KCNE1: variants seen among roughly 807,000 people sequenced by gnomAD.
KCNE1 encodes the protein potassium voltage-gated channel subfamily E member 1.
A neutral mutation model predicts 2.9 loss-of-function variants in KCNE1; 1 was observed. The observed-to-expected ratio is 0.34, with a 90% confidence interval of 0.12 to 1.62. KCNE1 has a LOEUF of 1.62. Ranked by LOEUF, KCNE1 falls within the 40% of genes most tolerant of loss-of-function variation. The pLI, the probability that KCNE1 is intolerant of heterozygous loss-of-function variation, is 0.36. For synonymous variants in KCNE1, 23 were observed against 65.4 expected, an observed-to-expected ratio of 0.35 and a Z score of 3.13; for missense variants, 45 against 150.5, an observed-to-expected ratio of 0.30 and a Z score of 3.67.
intron 2 of KCNE1, among the ~76,000 whole-genome samples, chr21:34,496,661 A>G (rs1356997808): frequency 3.3e-5 from 5 of 152,176 alleles, no homozygotes; most frequent in Admixed American, 2.6e-4. Flanking sequence ...TGTTCTGTAA[A>G]TATCTGTTAA....
chr21:34,503,900 C>T (rs1220919756), intron 2 of KCNE1, among the ~76,000 whole-genome samples: 2 of 152,178 alleles, frequency 1.3e-5, no homozygotes, highest in Non-Finnish European at 2.9e-5. Context: ...TTTTTGGAGG[C>T]GCACCTCACC....
At chr21:34,500,520 A>G (rs1048752456) in intron 2 of KCNE1, among the ~76,000 whole-genome samples, 2 of 152,224 alleles carry the variant, frequency 1.3e-5, no homozygotes, top group East Asian at 1.9e-4. Context: ...TGCATAATGT[A>G]AAACACTTAC....
rs79318383 is a variant in KCNE1, at chr21:34,452,014, C to G, written c.-50-2330G>C. On this transcript the variant is annotated intron_variant, in intron 3 of 3. Transcript: ENST00000399286. ...GCAATCTCATCATGGCAGTTCCCAT[C>G]TTGAAGGCCTTCCTTGGCTCCTCCC... Among the ~76,000 whole-genome samples the G allele has an allele frequency of 3.3e-4, 18 of 54,602 alleles. 7 individuals are homozygous for G. Among genetic ancestry groups the G allele is most frequent in the Non-Finnish European group, 6.1e-4 (18 of 29,470 alleles). 35.8% of individuals were successfully genotyped at this position (54,602 alleles called of 152,430 possible). A position where few individuals can be genotyped will look rare whatever the true frequency, so the allele number is the denominator to read the frequency against.
intron 2 of KCNE1, among the ~76,000 whole-genome samples, chr21:34,506,232 G>A (rs1983479484): frequency 6.6e-6 from 1 of 152,218 alleles, no homozygotes; most frequent in South Asian, 2.1e-4. Context: ...ACGGGGACAA[G>A]CTTTTGGAAA....
chr21:34,499,197 C>T (rs897224921), intron 2 of KCNE1, among the ~76,000 whole-genome samples: 4 of 152,156 alleles, frequency 2.6e-5, no homozygotes, highest in Non-Finnish European at 5.9e-5. Context: ...AGGCCTCACC[C>T]AGCTCCCACA....
At chr21:34,511,820 G>A (rs1983848831) in intron 1 of KCNE1, among the ~76,000 whole-genome samples, 1 of 152,214 alleles carries the variant, frequency 6.6e-6, no homozygotes, top group African/African-American at 2.4e-5. Flanking sequence ...TAGGAGGTGG[G>A]CAACCCTTTC....
Position 34,449,580 on chromosome 21 carries a change from C to G in KCNE1, c.55G>C (p.Glu19Gln). 1 of 1,015,226 alleles carries G rather than the reference C, an allele frequency of 9.9e-7. No homozygotes were observed. The highest frequency in any genetic ancestry group is 1.6e-5 in the South Asian group (1 of 64,494). The allele number at this position is 1,015,226 out of a possible 1,614,324, so 62.9% of individuals were successfully genotyped here. Residue 19 changes from glutamate (E) to glutamine (Q), a missense_variant, in exon 4 of 4, where the codon GAG (glutamate) becomes CAG (glutamine). Physicochemically the swap from Glu to Gln is conservative, Grantham distance 29. Transcript: ENST00000399286. ...VTPFLTKLWQ[E>Q]TVQQGGNMSG... ...ATGTTGCCACCCTGCTGAACTGTCT[C>G]CTGCCACAGCTTGGTCAGAAAGGGC...
At chr21:34,503,496 A>G (rs536906271) in intron 2 of KCNE1, among the ~76,000 whole-genome samples, 2 of 152,186 alleles carry the variant, frequency 1.3e-5, no homozygotes, top group Non-Finnish European at 2.9e-5. Flanking sequence ...GCCATTGGTG[A>G]TCAGCTTAAC....
chr21:34,498,595 G>A (rs963838726), intron 2 of KCNE1, among the ~76,000 whole-genome samples: 3 of 152,240 alleles, frequency 2.0e-5, no homozygotes, highest in Non-Finnish European at 2.9e-5. Flanking sequence ...ACCTGCTCTC[G>A]TGGAGGTGGC....
chr21:34,504,756 T>C (rs1024692769), intron 2 of KCNE1, among the ~76,000 whole-genome samples: 3 of 152,208 alleles, frequency 2.0e-5, no homozygotes, highest in African/African-American at 7.2e-5. Flanking sequence ...ATACCATGGA[T>C]GAACCTCAAG....
intron 2 of KCNE1, among the ~76,000 whole-genome samples, chr21:34,496,475 G>T (rs543391497): frequency 2.0e-5 from 3 of 152,290 alleles, no homozygotes; most frequent in South Asian, 2.1e-4. Context: ...AGTTTTGAGG[G>T]TTCCTTTTGG....
At chr21:34,507,567 C>T (rs993625636) in intron 2 of KCNE1, among the ~76,000 whole-genome samples, 2 of 152,196 alleles carry the variant, frequency 1.3e-5, no homozygotes, top group African/African-American at 4.8e-5. Context: ...CCTCAAATAT[C>T]TTTCCTGGGG....
At chr21:34,508,819 T>G (rs79761910) in intron 2 of KCNE1, among the ~76,000 whole-genome samples, 11,486 of 152,286 alleles carry the variant, frequency 0.075, 532 homozygotes, top group African/African-American at 0.13. Context: ...CCAAGTGTTC[T>G]CACACATAGA....
chr21:34,506,579 G>A (rs1439455144), intron 2 of KCNE1, among the ~76,000 whole-genome samples: 1 of 152,200 alleles, frequency 6.6e-6, no homozygotes, highest in Non-Finnish European at 1.5e-5. Context: ...AGCACTGCCA[G>A]GGGAGATCTG....
intron 1 of KCNE1, among the ~76,000 whole-genome samples, 183 bp downstream of exon 1, chr21:34,511,844 T>C (rs1219351153): frequency 6.6e-6 from 1 of 152,182 alleles, no homozygotes; most frequent in East Asian, 1.9e-4. Context: ...CCCTTCTCCA[T>C]GTGCTTCTGC....
At chr21:34,500,846 T>G (rs181340080) in intron 2 of KCNE1, among the ~76,000 whole-genome samples, 2 of 152,234 alleles carry the variant, frequency 1.3e-5, no homozygotes, top group African/African-American at 4.8e-5. Context: ...AGCACTTCAC[T>G]ATGTGACTCT....
intron 2 of KCNE1, among the ~76,000 whole-genome samples, chr21:34,506,231 AG>A (rs1983479745): frequency 6.6e-6 from 1 of 152,196 alleles, no homozygotes; most frequent in Non-Finnish European, 1.5e-5. Context: ...CACGGGGACA[AG>A]CTTTTGGAAA....
At chr21:34,499,214 G>A (rs1331105711) in intron 2 of KCNE1, among the ~76,000 whole-genome samples, 2 of 152,202 alleles carry the variant, frequency 1.3e-5, no homozygotes, top group African/African-American at 4.8e-5. Flanking sequence ...CACACAGTTG[G>A]TGGGGCCGAT....
intron 2 of KCNE1, among the ~76,000 whole-genome samples, chr21:34,505,295 G>A (rs921140269): frequency 1.3e-5 from 2 of 152,018 alleles, no homozygotes; most frequent in African/African-American, 2.4e-5. Context: ...CACCACACCC[G>A]ACTAATCTTT....
Sources: gnomAD v4.1 joint callset for allele counts (sites outside exome capture counted in the v4.1 genomes callset) on GRCh38, gnomAD v4.1.1 for gene constraint, MANE v1.5 for transcripts, NCBI Gene and HGNC (gene_info 2026-07-23, HGNC 2026-07-21) for gene names.